The following ERCC6L variants were observed in gnomAD, a reference collection of about 807,000 sequenced individuals.
ERCC6L encodes DNA excision repair protein ERCC-6-like.
Under a neutral mutation model 20.1 loss-of-function variants are expected in ERCC6L, and 7 were observed. That is an observed-to-expected ratio of 0.35 (90% CI 0.20 to 0.65). The LOEUF (loss-of-function observed/expected upper bound fraction) is 0.65, where lower values mean the gene tolerates loss of function less well. ERCC6L is among the 30% of genes least tolerant of loss of function. ERCC6L has a pLI of 0.69. For synonymous variants in ERCC6L, 278 were observed against 331.3 expected, an observed-to-expected ratio of 0.84 and a Z score of 1.75; for missense variants, 592 against 892.4, an observed-to-expected ratio of 0.66 and a Z score of 4.29.
At chrX:72,219,774 G>A (rs1428611699) in intron 1 of ERCC6L, among the ~76,000 whole-genome samples, 5 of 108,418 alleles carry the variant, frequency 4.6e-5, no homozygotes, top group Non-Finnish European at 7.7e-5. Context: ...ACTTGAACCC[G>A]GGAGGCAGAG....
Position 72,218,650 on chromosome X carries a change from T to A in ERCC6L, c.69-9952A>T, listed in dbSNP as rs959268655. 6.4e-5 allele frequency among the ~76,000 whole-genome samples: 7 copies of A among 110,150 alleles called. No homozygotes were observed. The South Asian group carries it at 1.2e-3, about 19-fold the overall frequency. On this transcript the variant is annotated intron_variant, in intron 1 of 1. Transcript: ENST00000334463. ...CTGGGATTATAGGCGTGCACCACCC[T>A]CACCTGGCTAATTTCTGTATTTTTA...
In ERCC6L at chrX:72,205,151, G is replaced by A. The variant is rs1030720831; in HGVS notation, c.3616C>T (p.Arg1206Cys). 1.3e-5 allele frequency: 16 copies of A among 1,209,666 alleles called. No individual in the cohort carries two copies. Among genetic ancestry groups the A allele is most frequent in the Admixed American group, 4.4e-5 (2 of 45,636 alleles). The change falls in exon 2 of 2, where the codon CGT (arginine) becomes TGT (cysteine). Residue 1206 changes from arginine to cysteine, a missense_variant. Transcript: ENST00000334463. ...CCACACTCTTTTAGTTCTTTTCCAC[G>A]CTTTACAAGAGTCTCATAGTCATTT... is the stretch of plus-strand genomic sequence containing the variant. ...ATNDYETLVK[R>C]GKELKECGKI...
chrX:72,205,239 G>A lies in ERCC6L; in HGVS notation c.3528C>T (p.Ala1176=). The A allele has an allele frequency of 2.5e-6, 3 of 1,211,534 alleles. No homozygotes were observed. The highest frequency in any genetic ancestry group is 3.4e-6 in the Non-Finnish European group (3 of 895,377). ...SALAQETSLG[A]PEPLSGEQLV... ...ACTGTTCACCAGACAAAGGCTCAGG[G>A]GCACCAAGAGAGGTCTCTTGAGCTA... is the stretch of plus-strand genomic sequence containing the variant. The change falls in exon 2 of 2, where the codon GCC becomes GCT. Residue 1176 remains alanine, a synonymous_variant. Coordinates refer to ENST00000334463, the MANE Select transcript of ERCC6L (RefSeq NM_017669.4).
intron 1 of ERCC6L, among the ~76,000 whole-genome samples, chrX:72,234,082 C>T (rs749257957): frequency 6.4e-5 from 7 of 110,125 alleles, no homozygotes; most frequent in Non-Finnish European, 1.1e-4. Context: ...TGCACTCCAG[C>T]CTGGGCAACA....
At position 72,205,099 on chromosome X, in the gene ERCC6L, A is replaced by T; in HGVS notation, c.3668T>A (p.Leu1223Ter). The T allele has an allele frequency of 8.3e-7, 1 of 1,211,662 alleles. No individual in the cohort carries two copies. The highest frequency in any genetic ancestry group is 1.1e-6 in the Non-Finnish European group (1 of 895,329). Reference sequence around the variant, plus strand: ...ACTTTTTATGTCAAGCGCTTTAACTAAGCAGTTTAGGGCCTCCTGGATTTT... The same window carrying T: ...ACTTTTTATGTCAAGCGCTTTAACTTAGCAGTTTAGGGCCTCCTGGATTTT... ...CGKIQEALNCLVKALDIKSAD... is the reference protein window; with the variant it reads ...CGKIQEALNC The change falls in exon 2 of 2, where the codon TTA becomes TAA. Residue 1223 changes from leucine to a stop codon, truncating the protein, a stop_gained. Transcript: ENST00000334463. LOFTEE classifies it high-confidence loss of function.
intron 1 of ERCC6L, among the ~76,000 whole-genome samples, chrX:72,227,938 C>G (rs1157382580): frequency 8.9e-6 from 1 of 112,821 alleles, no homozygotes; most frequent in African/African-American, 3.2e-5. Flanking sequence ...AATATTTGCC[C>G]TGGCATGCTT....
chrX:72,213,384 G>C (rs1214774372), intron 1 of ERCC6L, among the ~76,000 whole-genome samples: 2 of 111,876 alleles, frequency 1.8e-5, no homozygotes, highest in Non-Finnish European at 3.8e-5. Context: ...GAGGGAAAAT[G>C]ATCGGGATAT....
At chrX:72,209,141 T>C (rs2042837978) in intron 1 of ERCC6L, among the ~76,000 whole-genome samples, 1 of 111,476 alleles carries the variant, frequency 9.0e-6, no homozygotes, top group African/African-American at 3.3e-5. Context: ...TTCCTATAGA[T>C]TCCTTCTGGT....
chrX:72,205,902 A>G lies in ERCC6L; in HGVS notation c.2865T>C (p.Leu955=), dbSNP rs752367940. ...SSPQYACDFN[L]FLEDSADNRQ... is the part of the protein sequence containing the mutation. ...TGTTGTCTGCTGAGTCTTCCAAGAA[A>G]AGATTGAAATCACATGCATACTGTG... is the stretch of plus-strand genomic sequence containing the variant. The change falls in exon 2 of 2, where the codon CTT becomes CTC. Residue 955 remains leucine (L), a synonymous_variant. Coordinates refer to ENST00000334463, the MANE Select transcript of ERCC6L (RefSeq NM_017669.4). The G allele has an allele frequency of 9.9e-6, 12 of 1,211,407 alleles. No homozygotes were observed. Among genetic ancestry groups the G allele is most frequent in the Non-Finnish European group, 1.2e-5 (11 of 895,274 alleles).
At chrX:72,219,033 A>C (rs2042903849) in intron 1 of ERCC6L, among the ~76,000 whole-genome samples, 1 of 112,448 alleles carries the variant, frequency 8.9e-6, no homozygotes, top group African/African-American at 3.2e-5. Context: ...AGGTGGGCGG[A>C]CCACCTGAGG....
At chrX:72,224,817 C>T (rs886880342) in intron 1 of ERCC6L, among the ~76,000 whole-genome samples, 10 of 111,155 alleles carry the variant, frequency 9.0e-5, no homozygotes, top group African/African-American at 3.3e-4. Context: ...AACACTGACT[C>T]CCCCATAATA....
At position 72,238,873 on chromosome X, in the gene ERCC6L, C is replaced by T. The variant is rs375803995; in HGVS notation, c.39G>A (p.Leu13=). The change falls in exon 1 of 2, where the codon TTG becomes TTA. Residue 13 remains leucine (L), a synonymous_variant. Transcript: ENST00000334463. ...ASRRFPEAEA[L]SPEQAAHYLR... is the part of the protein sequence containing the mutation. ...GGTAATGAGCAGCCTGCTCTGGGCT[C>T]AAGGCCTCGGCTTCCGGAAACCTTC... 3.0e-5 allele frequency: 36 copies of T among 1,196,161 alleles called. No homozygotes were observed. The African/African-American group carries it at 5.8e-4, about 19-fold the overall frequency.
intron 1 of ERCC6L, among the ~76,000 whole-genome samples, chrX:72,211,738 C>T (rs1411931631): frequency 2.7e-5 from 3 of 109,899 alleles, no homozygotes. Flanking sequence ...GAGCCATGAT[C>T]GCACCACTGC....
Position 72,205,558 on chromosome X carries a change from G to A in ERCC6L, c.3209C>T (p.Pro1070Leu), listed in dbSNP as rs1403690944. Reference protein sequence around the residue: ...DASTPKNDISPPGRFFSSQIP... With the variant: ...DASTPKNDISLPGRFFSSQIP... ...TTGAGATGAAAAGAACCTTCCTGGT[G>A]GACTGATGTCATTTTTGGGAGTTGA... Residue 1070 changes from proline to leucine, a missense_variant, in exon 2 of 2, where the codon CCA (proline) becomes CTA (leucine). Around this residue, in one of 3 missense-constraint regions of ERCC6L, gnomAD observed 352 missense variants for 402.6 expected, o/e 0.87. Coordinates refer to ENST00000334463, the MANE Select transcript of ERCC6L (RefSeq NM_017669.4). 1 of 1,210,846 alleles carries A rather than the reference G, an allele frequency of 8.3e-7. No homozygotes were observed. Among genetic ancestry groups the A allele is most frequent in the Non-Finnish European group, 1.1e-6 (1 of 894,767 alleles).
Position 72,207,925 on chromosome X carries a change from C to T in ERCC6L, c.842G>A (p.Gly281Glu), listed in dbSNP as rs1484282759. 1 of 1,211,301 alleles carries T rather than the reference C, an allele frequency of 8.3e-7. No individual in the cohort carries two copies. The highest frequency in any genetic ancestry group is 1.1e-6 in the Non-Finnish European group (1 of 895,359). Reference protein sequence around the residue: ...FDFACQGSLLGTLKTFKMEYE... With the variant: ...FDFACQGSLLETLKTFKMEYE... ...CTCCATCTTAAAAGTTTTTAATGTT[C>T]CCAGCAGGGACCCTTGACAAGCAAA... The change falls in exon 2 of 2, where the codon GGA becomes GAA. Residue 281 changes from glycine to glutamate, a missense_variant. Physicochemically the swap from Gly to Glu is moderately conservative, Grantham distance 98 (BLOSUM62 -2). This residue lies in a region of ERCC6L where 196 missense variants were observed against 440.1 expected (regional missense o/e 0.45). Transcript: ENST00000334463.
chrX:72,217,281 C>T (rs1414219209), intron 1 of ERCC6L, among the ~76,000 whole-genome samples: 1 of 111,960 alleles, frequency 8.9e-6, no homozygotes, highest in East Asian at 2.8e-4. Context: ...ATCAGCTTTG[C>T]TCTTCCTGCC....
chrX:72,237,430 C>T (rs192691509), intron 1 of ERCC6L, among the ~76,000 whole-genome samples: 141 of 110,673 alleles, frequency 1.3e-3, no homozygotes, highest in African/African-American at 4.6e-3. Flanking sequence ...AACCCCGTCT[C>T]TACCAAAAAT....
At chrX:72,210,264 A>G (rs2042846761) in intron 1 of ERCC6L, among the ~76,000 whole-genome samples, 1 of 110,260 alleles carries the variant, frequency 9.1e-6, no homozygotes, top group African/African-American at 3.3e-5. Flanking sequence ...AGATATACAG[A>G]TGGGCACATG....
intron 1 of ERCC6L, among the ~76,000 whole-genome samples, chrX:72,231,644 C>T (rs1266302014): frequency 5.4e-5 from 6 of 110,656 alleles, no homozygotes; most frequent in African/African-American, 2.0e-4. Flanking sequence ...GCCTCCGCCT[C>T]CTGGGTTCAT....
Sources: gnomAD v4.1 joint callset for allele counts (sites outside exome capture counted in the v4.1 genomes callset) on GRCh38, gnomAD v4.1.1 for gene constraint, gnomAD v4.1.1 regional missense constraint, MANE v1.5 for transcripts, NCBI Gene and HGNC (gene_info 2026-07-23, HGNC 2026-07-21) for gene names.